The following PAX2 variants were observed in gnomAD, a reference collection of about 807,000 sequenced individuals.
PAX2 encodes paired box protein Pax-2.
Under a neutral mutation model 41.7 loss-of-function variants are expected in PAX2, and 9 were observed. The ratio of observed to expected loss-of-function variants is 0.22; its 90% CI spans 0.13 to 0.38. The LOEUF (loss-of-function observed/expected upper bound fraction) is 0.38, where lower values mean the gene tolerates loss of function less well. Ranked by LOEUF, PAX2 falls within the 10% of genes least tolerant of loss-of-function variation. PAX2 has a pLI of 1.00. For missense variants in PAX2, 418 were observed against 531.6 expected, an observed-to-expected ratio of 0.79 and a Z score of 2.10; for synonymous variants, 221 against 212.7, an observed-to-expected ratio of 1.04 and a Z score of -0.34.
At chr10:100,764,382 T>C (rs1378306720) in intron 3 of PAX2, among the ~76,000 whole-genome samples, 1 of 152,134 alleles carries the variant, frequency 6.6e-6, no homozygotes, top group East Asian at 1.9e-4. Context: ...GACCTTGTGA[T>C]CCACCCACCT....
intron 3 of PAX2, among the ~76,000 whole-genome samples, chr10:100,766,914 T>C (rs532082541): frequency 1.3e-5 from 2 of 152,320 alleles, no homozygotes; most frequent in South Asian, 4.1e-4. Context: ...AAAAAGATGC[T>C]GATATGATCA....
rs79382234 is a variant in PAX2, at chr10:100,801,991, T to C, written c.617-4439T>C. Among the ~76,000 whole-genome samples the C allele has an allele frequency of 6.0e-3, 912 of 152,310 alleles. 11 individuals carry two copies. The highest frequency in any genetic ancestry group is 0.021 in the African/African-American group (871 of 41,560). On this transcript the variant is annotated intron_variant, in intron 5 of 9. Coordinates refer to ENST00000355243, the MANE Select transcript of PAX2 (RefSeq NM_000278.5). ...TGTCGGAAGGATTAAATGAGCTCTG[T>C]AAATAACAGCAATGGCATGTAATGA...
chr10:100,783,448 G>A (rs1050000867), intron 5 of PAX2, among the ~76,000 whole-genome samples: 1 of 152,176 alleles, frequency 6.6e-6, no homozygotes, highest in Non-Finnish European at 1.5e-5. Flanking sequence ...GGGGCCTGAG[G>A]GATGAAGAGG....
In PAX2 at chr10:100,824,403, CAG is replaced by C. The variant is rs1309604234; in HGVS notation, c.920-241_920-240del. ...ACACACACACACACACACAAATACA[CAG>C]AGACACAAAGAGCTACACAAAACAG... On this transcript the variant is annotated intron_variant, in intron 7 of 9. Coordinates refer to ENST00000355243, the MANE Select transcript of PAX2 (RefSeq NM_000278.5). This position sits in a 1 kb window ranked among gnomAD's most constrained non-coding sequence, Gnocchi z 6.6. Among the ~76,000 whole-genome samples the C allele has an allele frequency of 1.4e-5, 2 of 145,996 alleles. No homozygotes were observed. The highest frequency in any genetic ancestry group is 3.0e-5 in the Non-Finnish European group (2 of 65,920).
intron 3 of PAX2, among the ~76,000 whole-genome samples, chr10:100,760,530 A>G (rs1845802106): frequency 6.6e-6 from 1 of 152,144 alleles, no homozygotes; most frequent in Non-Finnish European, 1.5e-5. Flanking sequence ...TGGATGAGTG[A>G]ACCAAGCCAT....
chr10:100,800,296 T>C (rs1291133081), intron 5 of PAX2, among the ~76,000 whole-genome samples: 1 of 63,902 alleles, frequency 1.6e-5, no homozygotes, highest in Non-Finnish European at 3.0e-5. Flanking sequence ...TTTTTTTTTT[T>C]TGAGACAGGG....
intron 7 of PAX2, among the ~76,000 whole-genome samples, chr10:100,814,184 T>TA (rs1160724387): frequency 6.6e-6 from 1 of 151,090 alleles, no homozygotes; most frequent in Non-Finnish European, 1.5e-5. Context: ...CCGTCTCCAC[T>TA]AAAAAAATAT....
chr10:100,771,312 A>G (rs1846201166), intron 3 of PAX2, among the ~76,000 whole-genome samples: 1 of 152,200 alleles, frequency 6.6e-6, no homozygotes, highest in Non-Finnish European at 1.5e-5. Context: ...ATCAGTGGCC[A>G]TGTTCAGAAC....
rs1848689639 is a variant in PAX2, at chr10:100,829,065, C to T, written c.*1446C>T. 1 of 229,244 alleles carries T rather than the reference C, an allele frequency of 4.4e-6. No individual in the cohort carries two copies. Among genetic ancestry groups the T allele is most frequent in the Non-Finnish European group, 8.6e-6 (1 of 115,688 alleles). 14.2% of individuals were successfully genotyped at this position (229,244 alleles called of 1,614,324 possible). A position where few individuals can be genotyped will look rare whatever the true frequency, so the allele number is the denominator to read the frequency against. On this transcript the variant is annotated 3_prime_UTR_variant, in exon 10 of 10. Coordinates refer to ENST00000355243, the MANE Select transcript of PAX2 (RefSeq NM_000278.5). ...ACACGCCCATTAAAGCACAGCACGT[C>T]CTGGGGGAGGGGGGCATTTTTTATG... is the stretch of plus-strand genomic sequence containing the variant.
chr10:100,760,615 GCTGAC>G (rs939115035), intron 3 of PAX2, among the ~76,000 whole-genome samples: 2 of 152,188 alleles, frequency 1.3e-5, no homozygotes, highest in African/African-American at 4.8e-5. Context: ...TTGTGTGTCT[GCTGAC>G]GTCCTCAAAG....
At chr10:100,754,087 G>A (rs1845546824) in intron 3 of PAX2, among the ~76,000 whole-genome samples, 1 of 152,232 alleles carries the variant, frequency 6.6e-6, no homozygotes, top group Admixed American at 6.5e-5. Context: ...GGGGACTTTA[G>A]ATTGAAACCT....
intron 7 of PAX2, among the ~76,000 whole-genome samples, chr10:100,817,636 A>T (rs1404440504): frequency 6.6e-6 from 1 of 152,214 alleles, no homozygotes; most frequent in Non-Finnish European, 1.5e-5. Flanking sequence ...AGCTGAGATC[A>T]ACTGGAAGAG....
rs534489490 is a variant in PAX2, at chr10:100,817,649, G to A, written c.920-6999G>A. On this transcript the variant is annotated intron_variant, in intron 7 of 9. Transcript: ENST00000355243. ...GGAGCTGAGATCAACTGGAAGAGCA[G>A]CCACCCTGAGTTGGAGGCACAGCCC... is the stretch of plus-strand genomic sequence containing the variant. Among the ~76,000 whole-genome samples, 4 of 152,312 alleles carry A rather than the reference G, an allele frequency of 2.6e-5. No homozygotes were observed. In the East Asian group the frequency reaches 7.7e-4, roughly 29 times the overall value.
intron 3 of PAX2, among the ~76,000 whole-genome samples, chr10:100,778,511 G>C (rs1339218949): frequency 6.6e-6 from 1 of 152,154 alleles, no homozygotes; most frequent in Non-Finnish European, 1.5e-5. Context: ...CTCATGGCTT[G>C]TGACTCACCT....
At chr10:100,742,860 T>G (rs1845017845), upstream of PAX2, among the ~76,000 whole-genome samples, 5 of 103,980 alleles carry the variant, frequency 4.8e-5, no homozygotes, top group African/African-American at 1.6e-4. Context: ...TTTTTTTTTT[T>G]TTTTTTTTTT....
intron 1 of PAX2, chr10:100,747,572 A>G: frequency 1.0e-6 from 1 of 978,080 alleles, no homozygotes; most frequent in Non-Finnish European, 1.2e-6. Flanking sequence ...TCACAAGGAA[A>G]CTTTAGACCC....
At position 100,824,731 on chromosome 10, in the gene PAX2, C is replaced by T. The variant is rs1157500219; in HGVS notation, c.1003C>T (p.Leu335=). The T allele has an allele frequency of 1.2e-6, 2 of 1,605,196 alleles. No homozygotes were observed. The highest frequency in any genetic ancestry group is 1.7e-6 in the Non-Finnish European group (2 of 1,171,874). ...CCAGGGAAGCTACCCCACCTCCACCCTGGCAGGAATGGTGCCTGGTAGGTG... is the reference window on the plus strand; with the variant it reads ...CCAGGGAAGCTACCCCACCTCCACCTTGGCAGGAATGGTGCCTGGTAGGTG... ...TGQGSYPTST[L]AGMVPGSEFS... Residue 335 remains leucine (L), a synonymous_variant, in exon 8 of 10, where the codon CTG becomes TTG. Transcript: ENST00000355243. The surrounding 1 kb of genome is among the most constrained non-coding windows in gnomAD (Gnocchi z 6.6).
In PAX2 at chr10:100,809,140, C is replaced by G. The variant is rs893370744; in HGVS notation, c.823C>G (p.Pro275Ala). The G allele has an allele frequency of 1.2e-6, 2 of 1,612,236 alleles. No homozygotes were observed. Among genetic ancestry groups the G allele is most frequent in the Non-Finnish European group, 1.7e-6 (2 of 1,178,436 alleles). Residue 275 changes from proline to alanine, a missense_variant, in exon 7 of 10, where the codon CCT (proline) becomes GCT (alanine). Around this residue, in one of 2 missense-constraint regions of PAX2, gnomAD observed 310 missense variants for 325.2 expected, o/e 0.95. Coordinates refer to ENST00000355243, the MANE Select transcript of PAX2 (RefSeq NM_000278.5). The stretch of plus-strand genomic sequence containing the variant: ...CGAGTACTCCCTCCCAGCCCTGACC[C>G]CTGGGCTTGATGAAGTCAAGTCGAG... ...GNEYSLPALT[P>A]GLDEVKSSLS...
intron 7 of PAX2, among the ~76,000 whole-genome samples, chr10:100,815,420 G>C (rs1848155974): frequency 6.6e-6 from 1 of 152,102 alleles, no homozygotes; most frequent in South Asian, 2.1e-4. Context: ...TACTGTGGAG[G>C]CCAAAGCAAG....
Sources: allele counts gnomAD v4.1 joint callset (sites outside exome capture counted in the v4.1 genomes callset), GRCh38; gene constraint gnomAD v4.1.1; regional missense constraint gnomAD v4.1.1; non-coding constraint Gnocchi (gnomAD v3.1); transcripts MANE v1.5; gene names NCBI Gene and HGNC (gene_info 2026-07-23, HGNC 2026-07-21).